LIN9: variants seen among roughly 807,000 people sequenced by gnomAD.
LIN9 encodes protein lin-9 homolog.
LIN9 carries 18 observed loss-of-function variants against 78.0 expected under a neutral mutation model. The ratio of observed to expected loss-of-function variants is 0.23; its 90% CI spans 0.16 to 0.34. LIN9 has a LOEUF of 0.34. LIN9 is among the 10% of genes least tolerant of loss of function. The pLI is 1.00. For synonymous variants in LIN9, 192 were observed against 215.2 expected (o/e 0.89, Z 0.94); for missense variants, 451 against 644.1 (o/e 0.70, Z 3.25).
Position 226,231,963 on chromosome 1 carries a change from C to T in LIN9, c.*538G>A. On this transcript the variant is annotated 3_prime_UTR_variant, in exon 15 of 15. Transcript: ENST00000681046. Reference sequence around the variant, plus strand: ...TATATATAACATATACTTGTAAAGTCCACATTTCCCATCTATATTTCAGTG... The same window carrying T: ...TATATATAACATATACTTGTAAAGTTCACATTTCCCATCTATATTTCAGTG... The T allele has an allele frequency of 2.5e-6, 1 of 393,528 alleles. No homozygotes were observed. The highest frequency in any genetic ancestry group is 3.6e-5 in the East Asian group (1 of 27,720). The allele number at this position is 393,528 out of a possible 1,614,324, so 24.4% of individuals were successfully genotyped here.
intron 10 of LIN9, among the ~76,000 whole-genome samples, chr1:226,259,204 C>T (rs951220411): frequency 6.6e-6 from 1 of 152,038 alleles, no homozygotes; most frequent in African/African-American, 2.4e-5. Flanking sequence ...AAGTGATCTG[C>T]CCGCCTAAGC....
At chr1:226,267,794 A>G (rs956270372) in intron 8 of LIN9, among the ~76,000 whole-genome samples, 163 bp downstream of exon 8, 1 of 152,220 alleles carries the variant, frequency 6.6e-6, no homozygotes, top group African/African-American at 2.4e-5. Context: ...ACTTAAGTAT[A>G]GATCCGAACC....
chr1:226,281,812 GCCCC>G (rs1054493640), intron 6 of LIN9, among the ~76,000 whole-genome samples: 20 of 151,394 alleles, frequency 1.3e-4, no homozygotes, highest in Non-Finnish European at 1.8e-4. Flanking sequence ...TCCTGCCTCA[GCCCC>G]CTGAGTAGCT....
intron 10 of LIN9, among the ~76,000 whole-genome samples, chr1:226,261,538 A>AC (rs1343240944): frequency 6.6e-6 from 1 of 152,218 alleles, no homozygotes; most frequent in East Asian, 1.9e-4. Context: ...TTACCTTAAC[A>AC]CCCCCCAAAA....
At chr1:226,309,484 C>T (rs1378329566), upstream of LIN9, 1 of 1,113,980 alleles carries the variant, frequency 9.0e-7, no homozygotes, top group Non-Finnish European at 1.1e-6. Flanking sequence ...GGCGCATGTT[C>T]CGCGGCCCGC....
intron 4 of LIN9, among the ~76,000 whole-genome samples, chr1:226,288,006 C>CT (rs1166034099): frequency 6.6e-6 from 1 of 151,046 alleles, no homozygotes; most frequent in African/African-American, 2.4e-5. Flanking sequence ...CAGTCTTGCT[C>CT]TGTTGCCCAG....
At chr1:226,239,959 G>T (rs1657997924) in intron 11 of LIN9, among the ~76,000 whole-genome samples, 1 of 152,098 alleles carries the variant, frequency 6.6e-6, no homozygotes, top group African/African-American at 2.4e-5. Context: ...TATGCACTAA[G>T]GAAGCAAAAT....
chr1:226,309,710 C>T (rs1292888142), upstream of LIN9: 4 of 1,287,460 alleles, frequency 3.1e-6, no homozygotes, highest in Admixed American at 9.2e-5. Flanking sequence ...CTGCGCGTCG[C>T]GACGTCCGGG....
intron 7 of LIN9, among the ~76,000 whole-genome samples, chr1:226,272,984 G>A (rs1029802709): frequency 1.3e-5 from 2 of 152,012 alleles, no homozygotes; most frequent in African/African-American, 4.8e-5. Context: ...ACCTGGTGTT[G>A]GGTCTGATCA....
chr1:226,259,407 A>T (rs944449736), intron 10 of LIN9, among the ~76,000 whole-genome samples: 1 of 152,210 alleles, frequency 6.6e-6, no homozygotes, highest in African/African-American at 2.4e-5. Context: ...TGGGCAGAAA[A>T]TCAGCAAGGA....
intron 11 of LIN9, among the ~76,000 whole-genome samples, chr1:226,243,695 C>CAAAAA (rs532381607): frequency 2.8e-5 from 1 of 35,386 alleles, no homozygotes; most frequent in African/African-American, 1.0e-4. Context: ...GACTCCGTCT[C>CAAAAA]AAAAAAAAAA....
At chr1:226,254,694 G>A (rs2199501) in intron 10 of LIN9, among the ~76,000 whole-genome samples, 64,832 of 151,630 alleles carry the variant, frequency 0.43, 14,032 homozygotes, top group East Asian at 0.5. Flanking sequence ...GGCGGATCAC[G>A]AGGTCAGGAG....
intron 6 of LIN9, among the ~76,000 whole-genome samples, chr1:226,281,901 C>A (rs139882975): frequency 2.8e-4 from 42 of 152,104 alleles, no homozygotes; most frequent in Non-Finnish European, 5.1e-4. Flanking sequence ...ACCATATTGG[C>A]CAGGCTGCTC....
chr1:226,296,312 A>G (rs1055924502), intron 3 of LIN9, among the ~76,000 whole-genome samples: 4 of 152,190 alleles, frequency 2.6e-5, no homozygotes, highest in Admixed American at 6.5e-5. Context: ...GTGTGACATG[A>G]TATGTCTGCT....
At chr1:226,244,033 G>A (rs1376716975) in intron 11 of LIN9, among the ~76,000 whole-genome samples, 3 of 151,110 alleles carry the variant, frequency 2.0e-5, no homozygotes, top group Non-Finnish European at 2.9e-5. Context: ...GGCTACCTGC[G>A]CCGGGCTAAG....
At chr1:226,233,991 G>C (rs1657523828) in intron 12 of LIN9, among the ~76,000 whole-genome samples, 1 of 152,146 alleles carries the variant, frequency 6.6e-6, no homozygotes, top group Non-Finnish European at 1.5e-5. Flanking sequence ...GTTTCCTTAT[G>C]ATTAGACTGA....
chr1:226,255,781 TA>T (rs1223882716), intron 10 of LIN9, among the ~76,000 whole-genome samples: 1 of 151,984 alleles, frequency 6.6e-6, no homozygotes, highest in Non-Finnish European at 1.5e-5. Flanking sequence ...CAGAAGAGGA[TA>T]TATTAATAGG....
intron 1 of LIN9, among the ~76,000 whole-genome samples, chr1:226,303,906 C>T (rs1662729338): frequency 6.6e-6 from 1 of 152,164 alleles, no homozygotes; most frequent in Non-Finnish European, 1.5e-5. Context: ...GCAACCGGTC[C>T]TTCTTTCCTT....
At chr1:226,261,716 A>G (rs1414813381) in intron 10 of LIN9, among the ~76,000 whole-genome samples, 1 of 152,218 alleles carries the variant, frequency 6.6e-6, no homozygotes, top group Non-Finnish European at 1.5e-5. Flanking sequence ...TATAAATTCA[A>G]TTCAATACAA....
Sources: allele counts gnomAD v4.1 joint callset (sites outside exome capture counted in the v4.1 genomes callset), GRCh38; gene constraint gnomAD v4.1.1; transcripts MANE v1.5; gene names NCBI Gene and HGNC (gene_info 2026-07-23, HGNC 2026-07-21).